Variants in KLRD1 observed in about 807,000 individuals in gnomAD.
The protein encoded by KLRD1 is natural killer cells antigen CD94.
KLRD1 carries 21 observed loss-of-function variants against 22.6 expected under a neutral mutation model. The ratio of observed to expected loss-of-function variants is 0.93; its 90% CI spans 0.66 to 1.34. The LOEUF is 1.34. Among genes scored for constraint, KLRD1 ranks in the 40% most tolerant of loss-of-function variants. The probability of loss-of-function intolerance (pLI) is 0.00; values close to 1 mark genes in which losing one functional copy is unlikely to be tolerated. For missense variants in KLRD1, 183 were observed against 208.6 expected, an observed-to-expected ratio of 0.88 and a Z score of 0.76; for synonymous variants, 59 against 71.1, an observed-to-expected ratio of 0.83 and a Z score of 0.85.
intron 1 of KLRD1, among the ~76,000 whole-genome samples, chr12:10,264,839 C>T (rs185448395): frequency 3.9e-5 from 6 of 152,014 alleles, no homozygotes; most frequent in Non-Finnish European, 7.4e-5. Flanking sequence ...ATCCTTTGAC[C>T]GATATCTCTC....
In KLRD1 at chr12:10,244,232, TAAAAG is replaced by T. The variant is rs79191876; in HGVS notation, c.-101+18006_-101+18010del. On this transcript the variant is annotated intron_variant, in intron 1 of 5. Coordinates refer to the KLRD1 transcript ENST00000544747. ...TGATTTTGTTGTTGAAACTGGAACA[TAAAAG>T]AAAAGAGAGAGAGAGGAAGACAAGC... Among the ~76,000 whole-genome samples the T allele has an allele frequency of 9.1e-3, 1,375 of 151,918 alleles. 7 individuals are homozygous for T. The highest frequency in any genetic ancestry group is 0.017 in the Middle Eastern group (5 of 294).
rs774377571 is a variant in KLRD1 at position 10,326,325 on chromosome 12, T to C, written c.*11532T>C. ...AAAATTTGAGACAGGTCTCAGTTAA[T>C]TTAGAAAGTTTATTTTGCAAAGGTT... On this transcript the variant is annotated 3_prime_UTR_variant, in exon 6 of 6. Transcript: ENST00000336164. 2 of 152,226 alleles carry C rather than the reference T, an allele frequency of 1.3e-5. No homozygotes were observed. The highest frequency in any genetic ancestry group is 2.9e-5 in the Non-Finnish European group (2 of 68,040). 9.4% of individuals were successfully genotyped at this position (152,226 alleles called of 1,614,324 possible).
At chr12:10,290,113 A>T (rs909472189) in intron 1 of KLRD1, among the ~76,000 whole-genome samples, 1 of 152,178 alleles carries the variant, frequency 6.6e-6, no homozygotes, top group African/African-American at 2.4e-5. Flanking sequence ...AAACTGTAAA[A>T]TGATACCATA....
chr12:10,311,580 T>A lies in KLRD1; in HGVS notation c.280T>A (p.Ser94Thr). The change falls in exon 4 of 6, where the codon TCC becomes ACC. Residue 94 changes from serine to threonine, a missense_variant. By Grantham distance (58) the Ser-to-Thr change is moderately conservative. Transcript: ENST00000336164. ...TCGGCATCTCTGTGCTTCTCAGAAA[T>A]CCAGCCTGCTTCAGCTTCAAAACAC... ...ESRHLCASQKSSLLQLQNTDE... is the reference protein window; with the variant it reads ...ESRHLCASQKTSLLQLQNTDE... 1.2e-6 allele frequency: 2 copies of A among 1,614,116 alleles called. No homozygotes were observed. Among genetic ancestry groups the A allele is most frequent in the Non-Finnish European group, 1.7e-6 (2 of 1,179,970 alleles).
intron 1 of KLRD1, among the ~76,000 whole-genome samples, chr12:10,239,571 C>CTT (rs750587109): frequency 2.5e-5 from 3 of 120,142 alleles, no homozygotes; most frequent in African/African-American, 6.9e-5. Context: ...TTCTTTCTTT[C>CTT]TTTCTTTCTT....
chr12:10,244,667 C>T (rs7309431), intron 1 of KLRD1, among the ~76,000 whole-genome samples: 114,215 of 151,868 alleles, frequency 0.75, 43,519 homozygotes, highest in East Asian at 1. Context: ...CCTGTAATCC[C>T]AGCTACTCAG....
upstream of KLRD1, among the ~76,000 whole-genome samples, chr12:10,305,655 C>A (rs958590936): frequency 6.6e-6 from 1 of 152,052 alleles, no homozygotes; most frequent in Admixed American, 6.6e-5. Flanking sequence ...TCAGCACTTC[C>A]GGATTAGCAT....
intron 5 of KLRD1, among the ~76,000 whole-genome samples, chr12:10,314,071 G>A (rs1049013005): frequency 6.6e-6 from 1 of 152,086 alleles, no homozygotes; most frequent in Non-Finnish European, 1.5e-5. Flanking sequence ...TAGTGTATTC[G>A]TGGCCATAAA....
At chr12:10,279,240 G>A (rs545616940) in intron 1 of KLRD1, among the ~76,000 whole-genome samples, 1 of 152,250 alleles carries the variant, frequency 6.6e-6, no homozygotes, top group South Asian at 2.1e-4. Flanking sequence ...GTGAGAACAT[G>A]CAGTATTTGG....
At chr12:10,313,741 C>CA (rs1245225319) in intron 5 of KLRD1, among the ~76,000 whole-genome samples, 3 of 151,900 alleles carry the variant, frequency 2.0e-5, no homozygotes, top group Non-Finnish European at 4.4e-5. Flanking sequence ...GAAAGGAGGT[C>CA]GGGGTATAGG....
rs12299096 is a variant in KLRD1 at position 10,319,603 on chromosome 12, C to T, written c.*4810C>T. ...AAACCAGTTATAATGTCATGAGCAG[C>T]CCTGTTGAAAGGACCATGCGGCAAG... On this transcript the variant is annotated 3_prime_UTR_variant, in exon 6 of 6. Transcript: ENST00000336164. 2.4e-4 allele frequency: 37 copies of T among 152,184 alleles called. No homozygotes were observed. Among genetic ancestry groups the T allele is most frequent in the African/African-American group, 8.9e-4 (37 of 41,412 alleles). 9.4% of individuals were successfully genotyped at this position (152,184 alleles called of 1,614,324 possible).
At position 10,239,711 on chromosome 12, in the gene KLRD1, A is replaced by T. The variant is rs56146423; in HGVS notation, c.-101+13478A>T. 2.0e-5 allele frequency among the ~76,000 whole-genome samples: 3 copies of T among 150,772 alleles called. No individual in the cohort carries two copies. The South Asian group carries it at 6.3e-4, about 32-fold the overall frequency. On this transcript the variant is annotated intron_variant, in intron 1 of 5. Transcript: ENST00000544747. ...GGCTGGAGTGCAGTGGCATGATCTC[A>T]GTTCACTGTAACCTCCACTTCCCGG...
intron 1 of KLRD1, among the ~76,000 whole-genome samples, chr12:10,263,354 T>TA (rs1399042510): frequency 1.3e-5 from 2 of 152,020 alleles, no homozygotes; most frequent in Non-Finnish European, 2.9e-5. Flanking sequence ...GTACTTTTTC[T>TA]AACCAGTTAT....
At chr12:10,299,869 G>A (rs1565464132), upstream of KLRD1, among the ~76,000 whole-genome samples, 1 of 152,176 alleles carries the variant, frequency 6.6e-6, no homozygotes, top group Non-Finnish European at 1.5e-5. Context: ...CTAAGTTTAT[G>A]TATATTCATA....
At chr12:10,278,289 T>C (rs1234612874) in intron 1 of KLRD1, among the ~76,000 whole-genome samples, 1 of 152,220 alleles carries the variant, frequency 6.6e-6, no homozygotes, top group Non-Finnish European at 1.5e-5. Context: ...GCCATTCCAT[T>C]TGACCTGTGA....
chr12:10,269,275 C>T (rs1221321308), intron 1 of KLRD1, among the ~76,000 whole-genome samples: 5 of 152,030 alleles, frequency 3.3e-5, no homozygotes, highest in Non-Finnish European at 5.9e-5. Flanking sequence ...CTCAGCCTCC[C>T]GAGTAGCTGG....
At chr12:10,239,469 C>CTT (rs373654789) in intron 1 of KLRD1, among the ~76,000 whole-genome samples, 3 of 122,238 alleles carry the variant, frequency 2.5e-5, no homozygotes, top group East Asian at 2.6e-4. Context: ...TTCCTTCCTT[C>CTT]CTTCCTTCCT....
chr12:10,276,020 T>C (rs1949588852), intron 1 of KLRD1, among the ~76,000 whole-genome samples: 1 of 152,194 alleles, frequency 6.6e-6, no homozygotes, highest in South Asian at 2.1e-4. Flanking sequence ...TTTAATTATA[T>C]TTGTGTGAAT....
At chr12:10,251,473 G>A (rs1949345620) in intron 1 of KLRD1, among the ~76,000 whole-genome samples, 2 of 152,048 alleles carry the variant, frequency 1.3e-5, no homozygotes, top group African/African-American at 2.4e-5. Flanking sequence ...GTCTGGTCCA[G>A]TGGTCCCCAA....
Sources: gnomAD v4.1 joint callset for allele counts (sites outside exome capture counted in the v4.1 genomes callset) on GRCh38, gnomAD v4.1.1 for gene constraint, MANE v1.5 for transcripts, NCBI Gene and HGNC (gene_info 2026-07-23, HGNC 2026-07-21) for gene names.